Variants in CPEB3 observed in about 807,000 individuals in gnomAD.
CPEB3 encodes the protein cytoplasmic polyadenylation element binding protein 3.
Under a neutral mutation model 67.2 loss-of-function variants are expected in CPEB3, and 20 were observed. That is an observed-to-expected ratio of 0.30 (90% confidence interval 0.21 to 0.43). CPEB3 has a LOEUF of 0.43. Ranked by LOEUF, CPEB3 falls within the 20% of genes least tolerant of loss-of-function variation. The probability of loss-of-function intolerance (pLI) is 1.00; values close to 1 mark genes in which losing one functional copy is unlikely to be tolerated. For missense variants in CPEB3, 746 were observed against 968.6 expected (o/e 0.77, Z 3.05); for synonymous variants, 376 against 393.1 (o/e 0.96, Z 0.51).
At chr10:92,255,351 C>A (rs1368112677) in intron 1 of CPEB3, among the ~76,000 whole-genome samples, 2 of 152,210 alleles carry the variant, frequency 1.3e-5, no homozygotes, top group Admixed American at 6.5e-5. Flanking sequence ...TGCAGTCTGG[C>A]TTCTGCCCCT....
intron 4 of CPEB3, among the ~76,000 whole-genome samples, chr10:92,155,968 T>C (rs1397173635): frequency 6.6e-6 from 1 of 152,190 alleles, no homozygotes; most frequent in Non-Finnish European, 1.5e-5. Flanking sequence ...AAAAATATGA[T>C]GGCAAACTCT....
At chr10:92,181,093 A>C (rs1554906939) in intron 3 of CPEB3, 74 bp from the exon 4 acceptor site, 1 of 800,722 alleles carries the variant, frequency 1.2e-6, no homozygotes, top group South Asian at 1.5e-5. Context: ...AAATATAAAC[A>C]TTACAAAAAT....
rs1371896058 is a variant in CPEB3 at position 92,047,806 on chromosome 10, C to T, written c.*4406G>A. 6.6e-6 allele frequency: 1 copy of T among 152,226 alleles called. No homozygotes were observed. The highest frequency in any genetic ancestry group is 2.4e-5 in the African/African-American group (1 of 41,460). The allele number at this position is 152,226 out of a possible 1,614,324, so 9.4% of individuals were successfully genotyped here. ...AAGTTTCTCTGAGTTATTGATGAAC[C>T]TCGCCTCCATAGCGATGGAGCTGAA... On this transcript the variant is annotated 3_prime_UTR_variant, in exon 10 of 10. Transcript: ENST00000265997.
At position 92,058,592 on chromosome 10, in the gene CPEB3, C is replaced by CATACAT. The variant is rs534976355; in HGVS notation, c.1870-6154_1870-6153insATGTAT. On this transcript the variant is annotated intron_variant, in intron 9 of 9. Transcript: ENST00000265997. Reference sequence around the variant, plus strand: ...ACATACATACATACATACATACATACATATATATATATATATAAATTAATT... The same window carrying CATACAT: ...ACATACATACATACATACATACATACATACATATATATATATATATATAAATTAATT... Among the ~76,000 whole-genome samples, 561 of 140,370 alleles carry CATACAT rather than the reference C, an allele frequency of 4.0e-3. 3 individuals are homozygous for CATACAT. Among genetic ancestry groups the CATACAT allele is most frequent in the Non-Finnish European group, 6.2e-3 (412 of 66,316 alleles). The allele number at this position is 140,370 out of a possible 152,430, so 92.1% of individuals were successfully genotyped here.
intron 7 of CPEB3, among the ~76,000 whole-genome samples, chr10:92,102,779 G>A (rs927199318): frequency 6.6e-6 from 1 of 152,132 alleles, no homozygotes; most frequent in African/African-American, 2.4e-5. Context: ...AGAAACATCT[G>A]CGTACTCTGC....
At chr10:92,252,042 CTATA>C (rs1009338841) in intron 1 of CPEB3, among the ~76,000 whole-genome samples, 1 of 151,198 alleles carries the variant, frequency 6.6e-6, no homozygotes, top group Non-Finnish European at 1.5e-5. Context: ...CTCTCTCTCT[CTATA>C]TATATTTTTT....
intron 1 of CPEB3, chr10:92,243,342 A>C (rs1348383814): frequency 6.6e-6 from 1 of 152,208 alleles, no homozygotes; most frequent in African/African-American, 2.4e-5. Context: ...AAGGTACTCG[A>C]TCTGACTTCA....
chr10:92,279,692 C>T (rs1277607786), intron 1 of CPEB3, among the ~76,000 whole-genome samples: 1 of 151,888 alleles, frequency 6.6e-6, no homozygotes, highest in African/African-American at 2.4e-5. Flanking sequence ...GGGTAAAGAA[C>T]CTTGCCAGGA....
intron 1 of CPEB3, among the ~76,000 whole-genome samples, chr10:92,264,079 A>G (rs2134924679): frequency 6.6e-6 from 1 of 152,314 alleles, no homozygotes; most frequent in African/African-American, 2.4e-5. Context: ...CTATAATCCC[A>G]GCACTTTGGG....
At chr10:92,208,468 A>C (rs992227282) in intron 2 of CPEB3, among the ~76,000 whole-genome samples, 2 of 152,288 alleles carry the variant, frequency 1.3e-5, no homozygotes, top group South Asian at 4.1e-4. Context: ...TTTACAAATA[A>C]ATCTTAGCTA....
At chr10:92,081,041 AGT>A (rs1843131976) in intron 9 of CPEB3, among the ~76,000 whole-genome samples, 1 of 152,216 alleles carries the variant, frequency 6.6e-6, no homozygotes, top group African/African-American at 2.4e-5. Flanking sequence ...ACATACTGTC[AGT>A]GTCATCTTCT....
chr10:92,280,995 G>C (rs951788426), intron 1 of CPEB3, among the ~76,000 whole-genome samples: 3 of 151,152 alleles, frequency 2.0e-5, no homozygotes, highest in African/African-American at 7.3e-5. Context: ...CCTGATCTCA[G>C]GTGATCCACC....
chr10:92,289,205 G>GAGC (rs1842679328), intron 1 of CPEB3, among the ~76,000 whole-genome samples: 1 of 152,134 alleles, frequency 6.6e-6, no homozygotes, highest in Non-Finnish European at 1.5e-5. Context: ...TAGTGCCACT[G>GAGC]CACTCCATCC....
At chr10:92,219,292 A>T (rs1398262159) in intron 2 of CPEB3, among the ~76,000 whole-genome samples, 4 of 152,214 alleles carry the variant, frequency 2.6e-5, no homozygotes, top group Non-Finnish European at 5.9e-5. Context: ...TATTGTAACA[A>T]AAGCTGAAGC....
intron 4 of CPEB3, among the ~76,000 whole-genome samples, chr10:92,178,766 A>G (rs1342236577): frequency 2.0e-5 from 3 of 152,326 alleles, no homozygotes; most frequent in Admixed American, 2.0e-4. Context: ...TATGTAAGTC[A>G]CCAGATGGGC....
chr10:92,107,064 C>A (rs1844506181), intron 7 of CPEB3, among the ~76,000 whole-genome samples: 1 of 152,040 alleles, frequency 6.6e-6, no homozygotes, highest in African/African-American at 2.4e-5. Flanking sequence ...TGCTACAGAT[C>A]CCACTCATAT....
chr10:92,068,010 T>G (rs1000699253), intron 9 of CPEB3, among the ~76,000 whole-genome samples: 1 of 152,196 alleles, frequency 6.6e-6, no homozygotes, highest in Non-Finnish European at 1.5e-5. Flanking sequence ...AGGATGAGAC[T>G]TACCATTTTT....
chr10:92,107,632 T>G (rs1264254135), intron 7 of CPEB3, among the ~76,000 whole-genome samples: 1 of 152,100 alleles, frequency 6.6e-6, no homozygotes, highest in Admixed American at 6.5e-5. Context: ...TCTGCCTGCT[T>G]CACTGGAACC....
intron 9 of CPEB3, among the ~76,000 whole-genome samples, chr10:92,070,389 C>G (rs1186297114): frequency 6.6e-6 from 1 of 152,154 alleles, no homozygotes; most frequent in East Asian, 1.9e-4. Context: ...ATGGAGCATA[C>G]TTTAAGAAAC....
Sources: gnomAD v4.1 joint callset for allele counts (sites outside exome capture counted in the v4.1 genomes callset) on GRCh38, gnomAD v4.1.1 for gene constraint, MANE v1.5 for transcripts, NCBI Gene and HGNC (gene_info 2026-07-23, HGNC 2026-07-21) for gene names.